Variants in RBFOX1 observed in about 807,000 individuals in gnomAD.
The protein encoded by RBFOX1 is RNA binding fox-1 homolog 1.
In RBFOX1, 8 loss-of-function variants were observed where a neutral mutation model predicts 57.7. That is an observed-to-expected ratio of 0.14 (90% CI 0.08 to 0.25). The LOEUF is 0.25. RBFOX1 is among the 10% of genes least tolerant of loss of function. The probability of loss-of-function intolerance (pLI) is 1.00; values close to 1 mark genes in which losing one functional copy is unlikely to be tolerated. For synonymous variants in RBFOX1, 326 were observed against 222.4 expected (o/e 1.47, Z -4.15); for missense variants, 611 against 548.5 (o/e 1.11, Z -1.14).
At chr16:6,195,472 C>G (rs1333406057) in intron 1 of RBFOX1, among the ~76,000 whole-genome samples, 2 of 152,146 alleles carry the variant, frequency 1.3e-5, no homozygotes, top group East Asian at 3.9e-4. Flanking sequence ...AATTCCAGGA[C>G]TTTGAGAGGC....
In RBFOX1 at chr16:6,637,430, T is replaced by TATTATATAATATATAAATATATTA. The variant is rs1555636558; in HGVS notation, c.-63-17173_-63-17172insATTATATAATATATAAATATATTA. 3.0e-4 allele frequency among the ~76,000 whole-genome samples: 7 copies of TATTATATAATATATAAATATATTA among 23,518 alleles called. 3 individuals are homozygous for TATTATATAATATATAAATATATTA. Among genetic ancestry groups the TATTATATAATATATAAATATATTA allele is most frequent in the Admixed American group, 8.8e-4 (1 of 1,132 alleles). The allele number at this position is 23,518 out of a possible 152,430, so 15.4% of individuals were successfully genotyped here. A position where few individuals can be genotyped will look rare whatever the true frequency, so the allele number is the denominator to read the frequency against. ...ATATATTATATAATATATAAATATA[T>TATTATATAATATATAAATATATTA]TATATAAATATATGTAAATGTATAT... On this transcript the variant is annotated intron_variant, in intron 2 of 15. Coordinates refer to ENST00000550418, the MANE Select transcript of RBFOX1 (RefSeq NM_018723.4).
intron 4 of RBFOX1, among the ~76,000 whole-genome samples, chr16:7,264,863 T>G (rs1301588826): frequency 1.3e-5 from 2 of 152,296 alleles, no homozygotes; most frequent in East Asian, 3.9e-4. Context: ...TAGAAAAAAA[T>G]TGATACATGA....
chr16:6,602,449 G>T (rs542452938), intron 2 of RBFOX1, among the ~76,000 whole-genome samples: 1 of 152,184 alleles, frequency 6.6e-6, no homozygotes, highest in African/African-American at 2.4e-5. Flanking sequence ...AGGGAAGGCA[G>T]GTGAATCTCA....
At chr16:5,869,261 C>G (rs967662771) in intron 4 of RBFOX1, among the ~76,000 whole-genome samples, 1 of 152,090 alleles carries the variant, frequency 6.6e-6, no homozygotes. Context: ...TGGTCATCAC[C>G]TGAGACAGCT....
intron 1 of RBFOX1, among the ~76,000 whole-genome samples, chr16:6,027,607 C>G (rs1863002007): frequency 6.6e-6 from 1 of 152,184 alleles, no homozygotes; most frequent in African/African-American, 2.4e-5. Flanking sequence ...ATTATTTTAG[C>G]AAAGTGCCTG....
intron 4 of RBFOX1, among the ~76,000 whole-genome samples, chr16:7,348,928 C>T (rs905571773): frequency 1.3e-5 from 2 of 151,970 alleles, no homozygotes; most frequent in African/African-American, 2.4e-5. Flanking sequence ...GGTGACACAG[C>T]GAGACTCCAC....
At chr16:7,524,545 G>A (rs897766433) in intron 5 of RBFOX1, among the ~76,000 whole-genome samples, 4 of 152,152 alleles carry the variant, frequency 2.6e-5, no homozygotes, top group Admixed American at 6.5e-5. Context: ...ATCTCCAACA[G>A]CAACTTAACT....
At chr16:6,423,384 A>G (rs1429525094) in intron 2 of RBFOX1, among the ~76,000 whole-genome samples, 2 of 152,012 alleles carry the variant, frequency 1.3e-5, no homozygotes, top group Non-Finnish European at 2.9e-5. Flanking sequence ...AGATCACCTG[A>G]GGTCAGGAGT....
At chr16:6,453,249 C>T (rs1019255218) in intron 2 of RBFOX1, among the ~76,000 whole-genome samples, 2 of 152,102 alleles carry the variant, frequency 1.3e-5, no homozygotes, top group African/African-American at 4.8e-5. Flanking sequence ...TGTCCTAATG[C>T]CATCCCTCCT....
intron 2 of RBFOX1, among the ~76,000 whole-genome samples, chr16:5,513,362 C>A (rs1029761382): frequency 6.6e-6 from 1 of 152,140 alleles, no homozygotes; most frequent in South Asian, 2.1e-4. Flanking sequence ...AGATAAAGTG[C>A]CCCTTTAATC....
intron 1 of RBFOX1, among the ~76,000 whole-genome samples, chr16:6,210,393 G>GGAAA (rs2097288405): frequency 7.7e-6 from 1 of 130,144 alleles, no homozygotes; most frequent in Non-Finnish European, 1.7e-5. Context: ...AAGGAAGGAA[G>GGAAA]GAAAGAAGGA....
At chr16:7,474,627 C>G (rs1397308686) in intron 4 of RBFOX1, among the ~76,000 whole-genome samples, 9 of 152,296 alleles carry the variant, frequency 5.9e-5, no homozygotes, top group East Asian at 1.9e-4. Flanking sequence ...TATTAAGGAG[C>G]CTGGCTCTAA....
chr16:5,605,790 A>G (rs2047554284), intron 3 of RBFOX1, among the ~76,000 whole-genome samples: 1 of 151,958 alleles, frequency 6.6e-6, no homozygotes, highest in South Asian at 2.1e-4. Flanking sequence ...ATTGATTAGT[A>G]ATGTCTTCCT....
chr16:7,436,109 A>G (rs988855411), intron 4 of RBFOX1, among the ~76,000 whole-genome samples: 3 of 152,178 alleles, frequency 2.0e-5, no homozygotes, highest in South Asian at 4.1e-4. Flanking sequence ...GTAACTCAAG[A>G]TAGCCTTTTT....
chr16:5,904,551 A>T (rs1406860286), intron 4 of RBFOX1, among the ~76,000 whole-genome samples: 1 of 151,954 alleles, frequency 6.6e-6, no homozygotes, highest in Non-Finnish European at 1.5e-5. Flanking sequence ...AGGTGCATTC[A>T]GACCATGGTG....
At chr16:6,502,976 C>T (rs779714549) in intron 2 of RBFOX1, among the ~76,000 whole-genome samples, 1 of 151,880 alleles carries the variant, frequency 6.6e-6, no homozygotes, top group African/African-American at 2.4e-5. Flanking sequence ...AAGATAATAT[C>T]GACTCAGCTG....
At chr16:6,870,437 A>G (rs1280156237) in intron 3 of RBFOX1, among the ~76,000 whole-genome samples, 1 of 152,222 alleles carries the variant, frequency 6.6e-6, no homozygotes, top group African/African-American at 2.4e-5. Flanking sequence ...ACCTATAAAT[A>G]TCTAAGGTTT....
chr16:7,243,995 G>C (rs1214766745), intron 4 of RBFOX1, among the ~76,000 whole-genome samples: 1 of 134,340 alleles, frequency 7.4e-6, no homozygotes, highest in Non-Finnish European at 1.6e-5. Context: ...TTTTTTCCTG[G>C]AGAGAATGTT....
intron 3 of RBFOX1, among the ~76,000 whole-genome samples, chr16:5,651,913 G>A (rs891741127): frequency 1.3e-5 from 2 of 152,120 alleles, no homozygotes; most frequent in Non-Finnish European, 2.9e-5. Flanking sequence ...CAGGAGGATC[G>A]CTTGAGGTCA....
Sources: gnomAD v4.1 joint callset for allele counts (sites outside exome capture counted in the v4.1 genomes callset) on GRCh38, gnomAD v4.1.1 for gene constraint, MANE v1.5 for transcripts, NCBI Gene and HGNC (gene_info 2026-07-23, HGNC 2026-07-21) for gene names.